SPECC1L: variants seen among roughly 807,000 people sequenced by gnomAD.
The protein encoded by SPECC1L is cytospin-A.
A neutral mutation model predicts 116.8 loss-of-function variants in SPECC1L; 40 were observed. The ratio of observed to expected loss-of-function variants is 0.34; its 90% confidence interval spans 0.27 to 0.45. SPECC1L has a LOEUF of 0.45. Ranked by LOEUF, SPECC1L falls within the 20% of genes least tolerant of loss-of-function variation. SPECC1L has a pLI of 1.00. For missense variants in SPECC1L, 1,110 were observed against 1,373.6 expected (o/e 0.81, Z 3.03); for synonymous variants, 504 against 500.6 (o/e 1.01, Z -0.09).
At chr22:24,370,210 T>C (rs1190095063) in intron 14 of SPECC1L, among the ~76,000 whole-genome samples, 1 of 152,234 alleles carries the variant, frequency 6.6e-6, no homozygotes, top group Non-Finnish European at 1.5e-5. Flanking sequence ...TGGATGAATT[T>C]GTACATGACT....
At chr22:24,318,052 A>G (rs998077067) in intron 4 of SPECC1L, among the ~76,000 whole-genome samples, 2 of 150,112 alleles carry the variant, frequency 1.3e-5, no homozygotes, top group African/African-American at 5.0e-5. Flanking sequence ...GCAGCCAGGC[A>G]GAGGGGCTCC....
At chr22:24,316,725 A>G (rs1445269720) in intron 4 of SPECC1L, among the ~76,000 whole-genome samples, 1 of 149,118 alleles carries the variant, frequency 6.7e-6, no homozygotes, top group Non-Finnish European at 1.5e-5. Flanking sequence ...TCTTTTCCCC[A>G]CCTTTCCCCC....
In SPECC1L at chr22:24,347,427, A is replaced by G. The variant is rs568413116; in HGVS notation, c.2743+251A>G. Among the ~76,000 whole-genome samples, 16 of 152,340 alleles carry G rather than the reference A, an allele frequency of 1.1e-4. No homozygotes were observed. In the East Asian group the frequency reaches 2.9e-3, roughly 28 times the overall value. On this transcript the variant is annotated intron_variant, in intron 11 of 16. Transcript: ENST00000314328. Reference sequence around the variant, plus strand: ...TACACCATTGCTAGGCACTGTTTTCACAGTTCCTCATGGCATATGTATTAT... The same window carrying G: ...TACACCATTGCTAGGCACTGTTTTCGCAGTTCCTCATGGCATATGTATTAT...
At chr22:24,405,771 G>A (rs901853037) in intron 14 of SPECC1L, among the ~76,000 whole-genome samples, 12 of 151,726 alleles carry the variant, frequency 7.9e-5, no homozygotes, top group African/African-American at 2.4e-4. Flanking sequence ...CCCAGGAGGC[G>A]GAGCTTGCAG....
intron 3 of SPECC1L, among the ~76,000 whole-genome samples, chr22:24,307,513 T>C (rs1601528875): frequency 6.6e-6 from 1 of 152,246 alleles, no homozygotes; most frequent in Non-Finnish European, 1.5e-5. Flanking sequence ...TTTAAAGGTA[T>C]CTTCATGAAC....
intron 14 of SPECC1L, among the ~76,000 whole-genome samples, chr22:24,406,812 G>T (rs78887468): frequency 0.012 from 1,807 of 152,324 alleles, 39 homozygotes; most frequent in African/African-American, 0.041. Flanking sequence ...TTCTTGCACC[G>T]TGCCTTCCGA....
chr22:24,331,513 T>C (rs1601566277), intron 8 of SPECC1L, among the ~76,000 whole-genome samples: 1 of 152,228 alleles, frequency 6.6e-6, no homozygotes, highest in East Asian at 1.9e-4. Context: ...AATTCTACTG[T>C]TAAAGTTTCA....
At chr22:24,330,660 A>G (rs1286433261) in intron 8 of SPECC1L, among the ~76,000 whole-genome samples, 1 of 152,108 alleles carries the variant, frequency 6.6e-6, no homozygotes, top group Non-Finnish European at 1.5e-5. Flanking sequence ...CTCTGGAGGG[A>G]GCCAGGATGG....
intron 4 of SPECC1L, among the ~76,000 whole-genome samples, chr22:24,315,561 T>C (rs2040545788): frequency 6.6e-6 from 1 of 152,264 alleles, no homozygotes; most frequent in African/African-American, 2.4e-5. Flanking sequence ...ACTCTTGCCA[T>C]TTGCATGTCT....
At chr22:24,365,762 C>G (rs2041750486) in intron 13 of SPECC1L, 130 bp downstream of exon 13, 2 of 979,062 alleles carry the variant, frequency 2.0e-6, no homozygotes, top group Admixed American at 2.0e-5. Flanking sequence ...GTTTGCGAAT[C>G]TTTCTTATAT....
intron 10 of SPECC1L, chr22:24,343,666 G>C (rs2041228257): frequency 9.2e-6 from 2 of 217,234 alleles, no homozygotes; most frequent in Non-Finnish European, 1.9e-5. Context: ...TCTCCATGTT[G>C]CCCAGGCTTG....
At chr22:24,329,042 G>C in intron 7 of SPECC1L, 123 bp downstream of exon 7, 1 of 766,458 alleles carries the variant, frequency 1.3e-6, no homozygotes. Context: ...GGCCCCATTG[G>C]GCTTTGGGCA....
chr22:24,363,584 G>A (rs758921114), intron 12 of SPECC1L, among the ~76,000 whole-genome samples: 50 of 152,096 alleles, frequency 3.3e-4, no homozygotes, highest in Non-Finnish European at 6.6e-4. Flanking sequence ...CCATCCCAAA[G>A]CCTTTTTCTG....
rs554956355 is a variant in SPECC1L at position 24,280,869 on chromosome 22, G to C, written c.-38+4066G>C. Among the ~76,000 whole-genome samples, 4 of 152,278 alleles carry C rather than the reference G, an allele frequency of 2.6e-5. No homozygotes were observed. The East Asian group carries it at 7.7e-4, about 29-fold the overall frequency. ...CCGAAAGTGTTGGGATTACAGGCAT[G>C]AGCCAGTGTCCAGCCCAAAATAGTC... is the stretch of plus-strand genomic sequence containing the variant. On this transcript the variant is annotated intron_variant, in intron 2 of 16. Coordinates refer to ENST00000314328, the MANE Select transcript of SPECC1L (RefSeq NM_015330.6).
At chr22:24,303,846 T>G (rs4444638) in intron 3 of SPECC1L, among the ~76,000 whole-genome samples, 367 of 22,706 alleles carry the variant, frequency 0.016, 1 homozygote, top group African/African-American at 0.036. Context: ...TTAAATAGGG[T>G]GTGTGTGTGT....
At chr22:24,370,124 T>A (rs1002507830) in intron 14 of SPECC1L, among the ~76,000 whole-genome samples, 4 of 152,210 alleles carry the variant, frequency 2.6e-5, no homozygotes, top group Non-Finnish European at 4.4e-5. Flanking sequence ...GCTACAACAT[T>A]TGCATACAAA....
Position 24,363,355 on chromosome 22 carries a change from TC to T in SPECC1L, c.2827+12del, listed in dbSNP as rs2041682623. The T allele has an allele frequency of 1.9e-6, 3 of 1,611,468 alleles. No homozygotes were observed. The East Asian group carries it at 6.7e-5, about 36-fold the overall frequency. On this transcript the variant is annotated intron_variant, in intron 12 of 16. Coordinates refer to ENST00000314328, the MANE Select transcript of SPECC1L (RefSeq NM_015330.6). ...CCAAGACCCTCTCAGGTGATGACTTTCATCTGAATTTTTGTTGTATTTGTTG... is the reference window on the plus strand; with the variant it reads ...CCAAGACCCTCTCAGGTGATGACTTTATCTGAATTTTTGTTGTATTTGTTG...
chr22:24,375,381 C>G (rs2041952016), intron 14 of SPECC1L, among the ~76,000 whole-genome samples: 1 of 152,110 alleles, frequency 6.6e-6, no homozygotes, highest in Admixed American at 6.5e-5. Context: ...AAAAAGAAAA[C>G]TGTAAAAGCC....
At chr22:24,319,433 G>A (rs1320997929) in intron 4 of SPECC1L, among the ~76,000 whole-genome samples, 1 of 152,160 alleles carries the variant, frequency 6.6e-6, no homozygotes, top group Non-Finnish European at 1.5e-5. Flanking sequence ...CTCCCAACAG[G>A]TCCCTCCCGA....
Sources: gnomAD v4.1 joint callset for allele counts (sites outside exome capture counted in the v4.1 genomes callset) on GRCh38, gnomAD v4.1.1 for gene constraint, MANE v1.5 for transcripts, NCBI Gene and HGNC (gene_info 2026-07-23, HGNC 2026-07-21) for gene names.